IL19: variants seen among roughly 807,000 people sequenced by gnomAD.
IL19 encodes the protein interleukin-19.
A neutral mutation model predicts 19.5 loss-of-function variants in IL19; 15 were observed. The ratio of observed to expected loss-of-function variants is 0.77; its 90% CI spans 0.52 to 1.19. The LOEUF is 1.19. Among genes scored for constraint, IL19 ranks in the 50% most tolerant of loss-of-function variants. The pLI, the probability that IL19 is intolerant of heterozygous loss-of-function variation, is 0.00. For missense variants in IL19, 199 were observed against 213.1 expected, an observed-to-expected ratio of 0.93 and a Z score of 0.41; for synonymous variants, 78 against 78.3, an observed-to-expected ratio of 1.00 and a Z score of 0.02.
At chr1:206,815,763 T>C (rs1676139211) in intron 2 of IL19, among the ~76,000 whole-genome samples, 1 of 152,138 alleles carries the variant, frequency 6.6e-6, no homozygotes. Flanking sequence ...ATAAAAATGA[T>C]AGCAAATTTC....
At chr1:206,838,771 C>CTTCCCTTCCT (rs1676891721) in intron 4 of IL19, among the ~76,000 whole-genome samples, 1 of 148,670 alleles carries the variant, frequency 6.7e-6, no homozygotes, top group African/African-American at 2.5e-5. Context: ...CTTCCCTTCC[C>CTTCCCTTCCT]TTCCCTTCCC....
chr1:206,798,317 C>T, intron 1 of IL19, among the ~76,000 whole-genome samples: 1 of 152,198 alleles, frequency 6.6e-6, no homozygotes, highest in East Asian at 1.9e-4. Flanking sequence ...CAAGCCCACA[C>T]TACAGCCCAG....
At chr1:206,808,656 C>T (rs758766804) in intron 2 of IL19, among the ~76,000 whole-genome samples, 11 of 152,024 alleles carry the variant, frequency 7.2e-5, no homozygotes, top group Non-Finnish European at 1.0e-4. Flanking sequence ...AGAAAACTCG[C>T]GGTAGGTTAA....
chr1:206,782,958 A>C (rs1440252136), intron 1 of IL19, among the ~76,000 whole-genome samples: 2 of 152,232 alleles, frequency 1.3e-5, no homozygotes, highest in Non-Finnish European at 2.9e-5. Context: ...TGAAAATAAA[A>C]ACAGACATTT....
rs374799009 is a variant in IL19 at position 206,836,731 on chromosome 1, C to T, written c.69C>T (p.His23=). 14 of 1,613,506 alleles carry T rather than the reference C, an allele frequency of 8.7e-6. No individual in the cohort carries two copies. The highest frequency in any genetic ancestry group is 4.0e-5 in the African/African-American group (3 of 74,886). Residue 23 remains histidine (H), a synonymous_variant, in exon 3 of 7, where the codon CAC becomes CAT. Coordinates refer to ENST00000659997, the MANE Select transcript of IL19 (RefSeq NM_153758.5). The part of the protein sequence containing the change: ...TILILCSVDN[H]GLRRCLISTD... ...TGATATTGTGCTCAGTAGACAACCACGGTCTCAGGAGATGTCTGATTTCCA... is the reference window on the plus strand; with the variant it reads ...TGATATTGTGCTCAGTAGACAACCATGGTCTCAGGAGATGTCTGATTTCCA...
At chr1:206,785,212 T>C (rs944816798) in intron 1 of IL19, among the ~76,000 whole-genome samples, 1 of 151,754 alleles carries the variant, frequency 6.6e-6, no homozygotes, top group Admixed American at 6.6e-5. Flanking sequence ...TGAAGGAGGG[T>C]CCATGCAGGT....
At chr1:206,835,341 A>C (rs1676749728) in intron 2 of IL19, among the ~76,000 whole-genome samples, 2 of 152,242 alleles carry the variant, frequency 1.3e-5, no homozygotes, top group South Asian at 4.1e-4. Context: ...GGTTGATAAA[A>C]GAGGAAAGGA....
intron 1 of IL19, among the ~76,000 whole-genome samples, chr1:206,784,142 T>A (rs571530201): frequency 6.6e-6 from 1 of 152,332 alleles, no homozygotes; most frequent in Admixed American, 6.5e-5. Context: ...TTAGGAGGCC[T>A]AGTTTCCAGC....
At chr1:206,812,244 C>T (rs983037972) in intron 2 of IL19, among the ~76,000 whole-genome samples, 1 of 152,216 alleles carries the variant, frequency 6.6e-6, no homozygotes, top group African/African-American at 2.4e-5. Flanking sequence ...GAGGGACTAG[C>T]TCTTCACACT....
chr1:206,786,969 A>G (rs1675283219), intron 1 of IL19, among the ~76,000 whole-genome samples: 1 of 152,078 alleles, frequency 6.6e-6, no homozygotes, highest in African/African-American at 2.4e-5. Flanking sequence ...CACTCATTTT[A>G]TCAGCAAAAC....
chr1:206,807,010 G>A (rs114773308), intron 2 of IL19, among the ~76,000 whole-genome samples: 200 of 152,270 alleles, frequency 1.3e-3, no homozygotes, highest in African/African-American at 4.5e-3. Flanking sequence ...AGTCCTGCAG[G>A]GCTGGGGAGG....
chr1:206,781,889 ATATAGTTATATATACATATATATG>A (rs1675143775), intron 1 of IL19, among the ~76,000 whole-genome samples: 1 of 129,750 alleles, frequency 7.7e-6, no homozygotes, highest in Non-Finnish European at 1.6e-5. Flanking sequence ...ATATATATGT[ATATAGTTATATATACATATATATG>A]TATATAGTTA....
intron 1 of IL19, among the ~76,000 whole-genome samples, chr1:206,785,049 G>C (rs1675237733): frequency 6.6e-6 from 1 of 152,166 alleles, no homozygotes; most frequent in Non-Finnish European, 1.5e-5. Context: ...AAGTATTAAA[G>C]TCCCCCAATG....
In IL19 at chr1:206,776,909, CAAAA is replaced by C. The variant is rs1186364224; in HGVS notation, c.-149+5854_-149+5857del. The stretch of plus-strand genomic sequence containing the variant: ...TTCACTGTATTAAATCTTGCAACTA[CAAAA>C]AAAAAAAAAAAAAAAAAAAAAAGAA... On this transcript the variant is annotated intron_variant, in intron 1 of 6. Coordinates refer to ENST00000659997, the MANE Select transcript of IL19 (RefSeq NM_153758.5). Among the ~76,000 whole-genome samples the C allele has an allele frequency of 1.8e-3, 90 of 50,468 alleles. 2 individuals are homozygous for C. Among genetic ancestry groups the C allele is most frequent in the African/African-American group, 6.9e-3 (88 of 12,840 alleles). 33.1% of individuals were successfully genotyped at this position (50,468 alleles called of 152,430 possible).
At chr1:206,784,150 A>G (rs534351258) in intron 1 of IL19, among the ~76,000 whole-genome samples, 2 of 152,326 alleles carry the variant, frequency 1.3e-5, no homozygotes, top group East Asian at 3.9e-4. Flanking sequence ...CCTAGTTTCC[A>G]GCCCTGGACC....
chr1:206,791,623 G>C (rs1490372506), intron 1 of IL19, among the ~76,000 whole-genome samples: 2 of 152,254 alleles, frequency 1.3e-5, no homozygotes, highest in East Asian at 3.9e-4. Context: ...GACTTTGGCT[G>C]TCTGCACACT....
intron 1 of IL19, among the ~76,000 whole-genome samples, chr1:206,781,247 C>A (rs766609202): frequency 2.0e-5 from 3 of 151,466 alleles, no homozygotes; most frequent in Non-Finnish European, 4.4e-5. Context: ...AGTTCAAGAC[C>A]AGCCTGGCCA....
chr1:206,805,628 A>C (rs1427866898), intron 2 of IL19, among the ~76,000 whole-genome samples: 1 of 152,238 alleles, frequency 6.6e-6, no homozygotes, highest in Non-Finnish European at 1.5e-5. Flanking sequence ...ACTGAAGATA[A>C]ATTTCCTAGA....
At chr1:206,842,446 G>C (rs953461241) in intron 6 of IL19, 81 bp from the exon 7 acceptor site, 2 of 802,742 alleles carry the variant, frequency 2.5e-6, no homozygotes, top group African/African-American at 3.5e-5. Context: ...AACCTTGTGG[G>C]AACCAGCATA....
Sources: allele counts gnomAD v4.1 joint callset (sites outside exome capture counted in the v4.1 genomes callset), GRCh38; gene constraint gnomAD v4.1.1; transcripts MANE v1.5; gene names NCBI Gene and HGNC (gene_info 2026-07-23, HGNC 2026-07-21).